GXYLT2: variants seen among roughly 807,000 people sequenced by gnomAD.
GXYLT2 encodes glycosyltransferase 8 domain containing 4.
In GXYLT2, 53 loss-of-function variants were observed where a neutral mutation model predicts 45.8. The ratio of observed to expected loss-of-function variants is 1.16; its 90% confidence interval spans 0.93 to 1.46. The LOEUF is 1.46. GXYLT2 is among the 40% of genes most tolerant of loss of function. The pLI is 0.00. For missense variants in GXYLT2, 551 were observed against 544.4 expected (o/e 1.01, Z -0.12); for synonymous variants, 219 against 214.2 (o/e 1.02, Z -0.19).
chr3:72,900,918 G>T (rs928012701), intron 1 of GXYLT2, among the ~76,000 whole-genome samples: 1 of 152,034 alleles, frequency 6.6e-6, no homozygotes, highest in Non-Finnish European at 1.5e-5. Context: ...ACTTTGGGAG[G>T]CCAAGGTGGG....
At position 72,912,290 on chromosome 3, in the gene GXYLT2, A is replaced by G. The variant is rs139910965; in HGVS notation, c.468+3731A>G. ...CTCTCAAAGTGCTGGGATTACAGGCATGAGTCACTGTGCCCAGCACTGGCT... is the reference window on the plus strand; with the variant it reads ...CTCTCAAAGTGCTGGGATTACAGGCGTGAGTCACTGTGCCCAGCACTGGCT... On this transcript the variant is annotated intron_variant, in intron 2 of 6. Transcript: ENST00000389617. Among the ~76,000 whole-genome samples, 22 of 152,146 alleles carry G rather than the reference A, an allele frequency of 1.4e-4. No individual in the cohort carries two copies. In the East Asian group the frequency reaches 4.3e-3, roughly 29 times the overall value.
At chr3:72,957,198 T>G in intron 4 of GXYLT2, 31 bp from the exon 5 acceptor site, 4 of 1,590,018 alleles carry the variant, frequency 2.5e-6, no homozygotes, top group Non-Finnish European at 3.4e-6. Flanking sequence ...TTGCTTTGCT[T>G]CAGCTGTTCT....
chr3:72,960,825 C>A (rs915231537), intron 5 of GXYLT2, among the ~76,000 whole-genome samples: 3 of 152,138 alleles, frequency 2.0e-5, no homozygotes, highest in African/African-American at 7.2e-5. Flanking sequence ...TCACCTTTAT[C>A]CCTGGAAAGG....
At chr3:72,907,081 G>T (rs1415614586) in intron 1 of GXYLT2, among the ~76,000 whole-genome samples, 1 of 152,162 alleles carries the variant, frequency 6.6e-6, no homozygotes, top group Non-Finnish European at 1.5e-5. Context: ...AAGGCAGATG[G>T]TGGCCTCACC....
intron 5 of GXYLT2, among the ~76,000 whole-genome samples, chr3:72,962,553 G>T (rs756027133): frequency 3.3e-5 from 5 of 152,212 alleles, no homozygotes; most frequent in South Asian, 4.1e-4. Flanking sequence ...GGGAAAAGAT[G>T]CATTTGGTGA....
At chr3:72,932,425 A>G (rs745347967) in intron 3 of GXYLT2, among the ~76,000 whole-genome samples, 1 of 152,140 alleles carries the variant, frequency 6.6e-6, no homozygotes, top group Non-Finnish European at 1.5e-5. Flanking sequence ...ATCTATTTCC[A>G]TTTTTGTTGT....
At chr3:72,890,471 A>G (rs1326487339) in intron 1 of GXYLT2, among the ~76,000 whole-genome samples, 1 of 152,244 alleles carries the variant, frequency 6.6e-6, no homozygotes, top group Admixed American at 6.5e-5. Context: ...GTATTGCACA[A>G]GGGTTAGCAG....
At chr3:72,921,988 C>A (rs6762810) in intron 2 of GXYLT2, among the ~76,000 whole-genome samples, 2,684 of 152,316 alleles carry the variant, frequency 0.018, 77 homozygotes, top group African/African-American at 0.061. Context: ...AGTTTCTCAA[C>A]ACTGTTGCCA....
intron 3 of GXYLT2, among the ~76,000 whole-genome samples, chr3:72,942,352 T>C (rs1445473104): frequency 1.3e-5 from 2 of 152,026 alleles, no homozygotes; most frequent in Non-Finnish European, 2.9e-5. Context: ...AGTTAATACA[T>C]GTAGAAAGAA....
At chr3:72,969,193 A>G (rs1200449505) in intron 6 of GXYLT2, among the ~76,000 whole-genome samples, 1 of 152,082 alleles carries the variant, frequency 6.6e-6, no homozygotes, top group African/African-American at 2.4e-5. Context: ...CCCTTTATGC[A>G]ACTTTCTCAA....
chr3:72,933,666 T>C (rs943112605), intron 3 of GXYLT2, among the ~76,000 whole-genome samples: 1 of 152,122 alleles, frequency 6.6e-6, no homozygotes, highest in Non-Finnish European at 1.5e-5. Context: ...CCCAACACTT[T>C]AGAAGGCCAA....
intron 3 of GXYLT2, among the ~76,000 whole-genome samples, chr3:72,952,297 T>C (rs1710543464): frequency 6.6e-6 from 1 of 152,136 alleles, no homozygotes; most frequent in African/African-American, 2.4e-5. Context: ...TTCAAATTCT[T>C]AAAATGGATG....
At chr3:72,917,796 T>C (rs958811447) in intron 2 of GXYLT2, among the ~76,000 whole-genome samples, 3 of 150,996 alleles carry the variant, frequency 2.0e-5, no homozygotes, top group African/African-American at 7.3e-5. Flanking sequence ...ATATAAACAA[T>C]ATATGTACAT....
chr3:72,925,156 C>CTTTTT (rs368190344), intron 3 of GXYLT2, among the ~76,000 whole-genome samples: 1 of 148,566 alleles, frequency 6.7e-6, no homozygotes, highest in African/African-American at 2.6e-5. Flanking sequence ...TTTTCTTTTT[C>CTTTTT]TTTCTTTTTT....
chr3:72,923,283 C>T (rs9881508), intron 3 of GXYLT2, among the ~76,000 whole-genome samples: 27,881 of 151,696 alleles, frequency 0.18, 3,948 homozygotes, highest in African/African-American at 0.4. Context: ...GGCATGGTGG[C>T]GCATGCCTGT....
At chr3:72,939,030 GTT>G (rs1710244815) in intron 3 of GXYLT2, among the ~76,000 whole-genome samples, 1 of 152,124 alleles carries the variant, frequency 6.6e-6, no homozygotes, top group African/African-American at 2.4e-5. Flanking sequence ...GAATATGTAA[GTT>G]ATATGTAATT....
In GXYLT2 at chr3:72,975,307, T is replaced by A. The variant is rs1711075807; in HGVS notation, c.*148T>A. 1 of 486,370 alleles carries A rather than the reference T, an allele frequency of 2.1e-6. No homozygotes were observed. Among genetic ancestry groups the A allele is most frequent in the Non-Finnish European group, 3.6e-6 (1 of 279,706 alleles). The allele number at this position is 486,370 out of a possible 1,614,324, so 30.1% of individuals were successfully genotyped here. On this transcript the variant is annotated 3_prime_UTR_variant, in exon 7 of 7. Coordinates refer to ENST00000389617, the MANE Select transcript of GXYLT2 (RefSeq NM_001080393.2). The stretch of plus-strand genomic sequence containing the variant: ...CCTCGTTAAATTTTGCCAAATCAGT[T>A]GCCCCCAAAAGGGAATATGCTTTTC...
At chr3:72,958,648 T>C (rs1415444877) in intron 5 of GXYLT2, among the ~76,000 whole-genome samples, 1 of 148,244 alleles carries the variant, frequency 6.7e-6, no homozygotes, top group African/African-American at 2.5e-5. Flanking sequence ...TTTTTTTTTT[T>C]TGGGACAGAG....
intron 2 of GXYLT2, among the ~76,000 whole-genome samples, chr3:72,908,869 C>G (rs1709561305): frequency 6.6e-6 from 1 of 152,064 alleles, no homozygotes; most frequent in Non-Finnish European, 1.5e-5. Flanking sequence ...TCCCAAGTAG[C>G]TGGGACTACA....
Sources: allele counts gnomAD v4.1 joint callset (sites outside exome capture counted in the v4.1 genomes callset), GRCh38; gene constraint gnomAD v4.1.1; transcripts MANE v1.5; gene names NCBI Gene and HGNC (gene_info 2026-07-23, HGNC 2026-07-21).